LINGO2: variants seen among roughly 807,000 people sequenced by gnomAD.
LINGO2 encodes the protein leucine-rich repeat and immunoglobulin-like domain-containing nogo receptor-interacting protein 2.
Under a neutral mutation model 30.6 loss-of-function variants are expected in LINGO2, and 14 were observed. The ratio of observed to expected loss-of-function variants is 0.46; its 90% CI spans 0.30 to 0.72. The LOEUF (loss-of-function observed/expected upper bound fraction) is 0.72, where lower values mean the gene tolerates loss of function less well. LINGO2 is among the 30% of genes least tolerant of loss of function. The pLI, the probability that LINGO2 is intolerant of heterozygous loss-of-function variation, is 0.07. For synonymous variants in LINGO2, 317 were observed against 288.5 expected (o/e 1.10, Z -1.00); for missense variants, 729 against 751.7 (o/e 0.97, Z 0.35).
intron 4 of LINGO2, among the ~76,000 whole-genome samples, chr9:28,201,164 T>C (rs1303952148): frequency 2.0e-5 from 3 of 150,620 alleles, no homozygotes; most frequent in Non-Finnish European, 4.4e-5. Flanking sequence ...GCCATGCTGG[T>C]GCGCTGCACC....
At chr9:28,331,758 G>A (rs751331112) in intron 3 of LINGO2, among the ~76,000 whole-genome samples, 4 of 151,990 alleles carry the variant, frequency 2.6e-5, no homozygotes, top group Non-Finnish European at 4.4e-5. Context: ...CTCCTGTCTT[G>A]GCCTCCCCAA....
chr9:28,516,088 T>A (rs183181405), intron 1 of LINGO2, among the ~76,000 whole-genome samples: 1 of 152,194 alleles, frequency 6.6e-6, no homozygotes, highest in Non-Finnish European at 1.5e-5. Flanking sequence ...TTTAAAATTA[T>A]GGTATATACA....
the LINGO2 span, among the ~76,000 whole-genome samples, chr9:28,851,227 C>G: frequency 7.2e-5 from 11 of 152,156 alleles, no homozygotes; most frequent in Non-Finnish European, 1.6e-4. Context: ...GTTGAAATGG[C>G]TGCATTCATT....
chr9:28,484,808 CT>C (rs1826106850), intron 1 of LINGO2, among the ~76,000 whole-genome samples: 1 of 152,056 alleles, frequency 6.6e-6, no homozygotes, highest in Non-Finnish European at 1.5e-5. Flanking sequence ...AACTTTAAGT[CT>C]GCTGGTGTTA....
the LINGO2 span, among the ~76,000 whole-genome samples, chr9:28,875,074 C>G: frequency 1.3e-5 from 2 of 152,104 alleles, no homozygotes; most frequent in Non-Finnish European, 2.9e-5. Flanking sequence ...TTGAAAAACA[C>G]AAGTAGAAAT....
the LINGO2 span, among the ~76,000 whole-genome samples, chr9:28,775,079 G>A: frequency 6.6e-6 from 1 of 152,160 alleles, no homozygotes; most frequent in Non-Finnish European, 1.5e-5. Flanking sequence ...TGCGGATATT[G>A]CTGGTGATGC....
intron 2 of LINGO2, among the ~76,000 whole-genome samples, chr9:28,455,008 C>A (rs1824790005): frequency 6.6e-6 from 1 of 151,946 alleles, no homozygotes; most frequent in Non-Finnish European, 1.5e-5. Flanking sequence ...TAAGGATTTT[C>A]CAAATCATTT....
intron 4 of LINGO2, among the ~76,000 whole-genome samples, chr9:28,142,157 CTTTTT>C (rs3064726): frequency 2.9e-5 from 4 of 135,988 alleles, no homozygotes; most frequent in Non-Finnish European, 4.7e-5. Flanking sequence ...CTTTCTTTGT[CTTTTT>C]TTTTTTTTTT....
At chr9:28,056,075 A>G (rs149020254) in intron 4 of LINGO2, among the ~76,000 whole-genome samples, 2 of 152,176 alleles carry the variant, frequency 1.3e-5, no homozygotes, top group Non-Finnish European at 1.5e-5. Context: ...GAAAAAAGAA[A>G]GGAGCTCCCC....
intron 3 of LINGO2, among the ~76,000 whole-genome samples, chr9:28,300,373 C>T (rs1053063710): frequency 5.9e-5 from 9 of 152,144 alleles, no homozygotes; most frequent in Non-Finnish European, 1.0e-4. Context: ...TAAGGTAACG[C>T]TATCAATCAC....
intron 2 of LINGO2, among the ~76,000 whole-genome samples, chr9:28,450,430 C>A (rs930293083): frequency 2.6e-5 from 4 of 152,104 alleles, no homozygotes; most frequent in Non-Finnish European, 5.9e-5. Context: ...CTGCAGAGAA[C>A]AATTAAAGCA....
intron 4 of LINGO2, among the ~76,000 whole-genome samples, chr9:28,183,958 C>T (rs76897585): frequency 4.9e-4 from 75 of 152,332 alleles, no homozygotes; most frequent in African/African-American, 1.7e-3. Flanking sequence ...AATCATGAGG[C>T]TTGTATTCTC....
chr9:28,952,251 T>C, the LINGO2 span, among the ~76,000 whole-genome samples: 5 of 152,078 alleles, frequency 3.3e-5, no homozygotes, highest in Admixed American at 3.3e-4. Context: ...GGGTTCAATA[T>C]CTATCTATCT....
chr9:28,252,844 A>G (rs756490676), intron 4 of LINGO2, among the ~76,000 whole-genome samples: 1 of 152,080 alleles, frequency 6.6e-6, no homozygotes, highest in Non-Finnish European at 1.5e-5. Flanking sequence ...AATTATGCCT[A>G]TACAGTGGTT....
chr9:28,140,611 C>T (rs996961734), intron 4 of LINGO2, among the ~76,000 whole-genome samples: 4 of 152,186 alleles, frequency 2.6e-5, no homozygotes, highest in Non-Finnish European at 5.9e-5. Context: ...CCTACGCATG[C>T]CTTAAAATCC....
chr9:28,055,961 A>AGTTACTATT (rs1237327635), intron 4 of LINGO2, among the ~76,000 whole-genome samples: 2 of 152,204 alleles, frequency 1.3e-5, no homozygotes, highest in Admixed American at 6.5e-5. Context: ...TCATTACAAC[A>AGTTACTATT]GTTACTATTG....
At chr9:28,912,305 C>T in the LINGO2 span, among the ~76,000 whole-genome samples, 1 of 152,016 alleles carries the variant, frequency 6.6e-6, no homozygotes, top group East Asian at 1.9e-4. Context: ...CTGTGCTGCC[C>T]ATACTTTTCT....
At chr9:28,604,071 G>T (rs1301388037) in intron 1 of LINGO2, among the ~76,000 whole-genome samples, 1 of 151,802 alleles carries the variant, frequency 6.6e-6, no homozygotes, top group Admixed American at 6.6e-5. Flanking sequence ...AATTCTCTAT[G>T]GCCTTTTACA....
chr9:28,000,861 G>A (rs1159986795), intron 5 of LINGO2, among the ~76,000 whole-genome samples: 1 of 152,184 alleles, frequency 6.6e-6, no homozygotes, highest in East Asian at 1.9e-4. Flanking sequence ...GTACTGTGAA[G>A]TACCTAAAAT....
Sources: gnomAD v4.1 joint callset for allele counts (sites outside exome capture counted in the v4.1 genomes callset) on GRCh38, gnomAD v4.1.1 for gene constraint, MANE v1.5 for transcripts, NCBI Gene and HGNC (gene_info 2026-07-23, HGNC 2026-07-21) for gene names.